Variants in ZNF708 observed in about 807,000 individuals in gnomAD.
The protein encoded by ZNF708 is zinc finger protein 708.
Under a neutral mutation model 47.0 loss-of-function variants are expected in ZNF708, and 44 were observed. The ratio of observed to expected loss-of-function variants is 0.94; its 90% CI spans 0.74 to 1.20. The LOEUF (loss-of-function observed/expected upper bound fraction) is 1.20, where lower values mean the gene tolerates loss of function less well. Among genes scored for constraint, ZNF708 ranks in the 50% most tolerant of loss-of-function variants. The pLI, the probability that ZNF708 is intolerant of heterozygous loss-of-function variation, is 0.00. For synonymous variants in ZNF708, 184 were observed against 218.5 expected (o/e 0.84, Z 1.39); for missense variants, 557 against 656.0 (o/e 0.85, Z 1.65).
chr19:21,306,389 A>G (rs1314871317), intron 3 of ZNF708, among the ~76,000 whole-genome samples: 1 of 152,230 alleles, frequency 6.6e-6, no homozygotes, highest in African/African-American at 2.4e-5. Context: ...ATAAAGCTGA[A>G]TAACTTGATT....
Position 21,328,548 on chromosome 19 carries a change from T to C in ZNF708, c.3+662A>G, listed in dbSNP as rs530245705. Among the ~76,000 whole-genome samples, 26 of 152,206 alleles carry C rather than the reference T, an allele frequency of 1.7e-4. No homozygotes were observed. The East Asian group carries it at 4.6e-3, about 27-fold the overall frequency. ...TGTGAAAAATGCAGGGGAAAATCAG[T>C]CCCCTGTGGAGTGTGAGAATAATTA... On this transcript the variant is annotated intron_variant, in intron 1 of 3. Transcript: ENST00000356929.
intron 1 of ZNF708, among the ~76,000 whole-genome samples, chr19:21,315,488 C>T (rs778234776): frequency 1.5e-4 from 23 of 152,260 alleles, no homozygotes; most frequent in Middle Eastern, 6.8e-3. Flanking sequence ...CGCTCTGGCA[C>T]GTTCCAAATG....
Position 21,294,445 on chromosome 19 carries a change from C to T in ZNF708, c.521G>A (p.Gly174Asp), listed in dbSNP as rs1164361531. The T allele has an allele frequency of 6.2e-7, 1 of 1,614,100 alleles. No individual in the cohort carries two copies. Among genetic ancestry groups the T allele is most frequent in the South Asian group, 1.1e-5 (1 of 91,080 alleles). ...TTGTGAAAGCATGCAAAATGATTTGCCACATTCTTTACATTTGAAAGGATT... is the reference window on the plus strand; with the variant it reads ...TTGTGAAAGCATGCAAAATGATTTGTCACATTCTTTACATTTGAAAGGATT... ...GKNPFKCKECGKSFCMLSQLT... is the reference protein window; with the variant it reads ...GKNPFKCKECDKSFCMLSQLT... The change falls in exon 4 of 4, where the codon GGC becomes GAC. Residue 174 changes from glycine to aspartate, a missense_variant. Coordinates refer to ENST00000356929, the MANE Select transcript of ZNF708 (RefSeq NM_021269.3).
intron 1 of ZNF708, among the ~76,000 whole-genome samples, chr19:21,328,507 C>A (rs1599696266): frequency 6.6e-6 from 1 of 152,080 alleles, no homozygotes; most frequent in Non-Finnish European, 1.5e-5. Flanking sequence ...ACACTTGAGA[C>A]CCCGCTTGGA....
intron 3 of ZNF708, among the ~76,000 whole-genome samples, chr19:21,305,309 A>G (rs1269595719): frequency 6.6e-6 from 1 of 150,996 alleles, no homozygotes; most frequent in East Asian, 2.0e-4. Context: ...GCACCCAGCC[A>G]CTTTTCAACA....
At position 21,310,597 on chromosome 19, in the gene ZNF708, C is replaced by A. The variant is rs766391621; in HGVS notation, c.34G>T (p.Glu12Ter). The A allele has an allele frequency of 3.9e-6, 6 of 1,547,878 alleles. No homozygotes were observed. Among genetic ancestry groups the A allele is most frequent in the Middle Eastern group, 1.7e-4 (1 of 5,816 alleles). Residue 12 changes from glutamate (E) to a stop codon, truncating the protein, a stop_gained, in exon 2 of 4, where the codon GAA becomes TAA. Transcript: ENST00000356929. LOFTEE classifies it high-confidence loss of function. ...GPLTFMDVAI[E>*]FSLEEWQCLD... ...CACTGCCACTCCTCCAGAGAGAATTCTATGGCCACATCCATAAATGTCAAT... is the reference window on the plus strand; with the variant it reads ...CACTGCCACTCCTCCAGAGAGAATTATATGGCCACATCCATAAATGTCAAT...
intron 3 of ZNF708, 100 bp from the exon 4 acceptor site, chr19:21,294,839 AAAT>A: frequency 8.9e-7 from 1 of 1,124,718 alleles, no homozygotes; most frequent in Non-Finnish European, 1.2e-6. Context: ...TGACATAGCA[AAAT>A]ACTACAGATC....
chr19:21,307,732 C>A (rs936544329), intron 3 of ZNF708, among the ~76,000 whole-genome samples: 1 of 152,138 alleles, frequency 6.6e-6, no homozygotes, highest in African/African-American at 2.4e-5. Context: ...CTATATTGTG[C>A]CCACTTGTCA....
intron 1 of ZNF708, among the ~76,000 whole-genome samples, chr19:21,323,334 AACTTT>A (rs1973191187): frequency 6.6e-6 from 1 of 152,200 alleles, no homozygotes; most frequent in Non-Finnish European, 1.5e-5. Context: ...TTCTTAAGGA[AACTTT>A]ACTTAAGTTT....
chr19:21,327,997 T>C, intron 1 of ZNF708: 1 of 1,003,626 alleles, frequency 1.0e-6, no homozygotes, highest in African/African-American at 1.7e-5. Flanking sequence ...ACCCAGGAGC[T>C]GATATTCACT....
chr19:21,323,512 T>C (rs566145229), intron 1 of ZNF708, among the ~76,000 whole-genome samples: 41 of 152,290 alleles, frequency 2.7e-4, no homozygotes, highest in African/African-American at 9.4e-4. Flanking sequence ...TGTTCCTCCT[T>C]AGGAAAGGAA....
rs571158691 is a variant in ZNF708 at position 21,328,119 on chromosome 19, A to G, written c.3+1091T>C. The G allele has an allele frequency of 5.9e-6, 3 of 509,508 alleles. No homozygotes were observed. The East Asian group carries it at 4.5e-4, about 76-fold the overall frequency. The allele number at this position is 509,508 out of a possible 1,614,324, so 31.6% of individuals were successfully genotyped here. On this transcript the variant is annotated intron_variant, in intron 1 of 3. Transcript: ENST00000356929. ...TGGCTGAAGACACATCACTCCGTAAAGTTTCCAAAGAAAAACCTTCACCTG... is the reference window on the plus strand; with the variant it reads ...TGGCTGAAGACACATCACTCCGTAAGGTTTCCAAAGAAAAACCTTCACCTG...
intron 1 of ZNF708, among the ~76,000 whole-genome samples, chr19:21,323,977 C>T (rs764779867): frequency 5.9e-5 from 9 of 152,148 alleles, no homozygotes; most frequent in East Asian, 1.9e-4. Context: ...CAGTGGCTCA[C>T]GCCTGTAATC....
intron 1 of ZNF708, among the ~76,000 whole-genome samples, chr19:21,320,530 T>C (rs953176353): frequency 1.3e-4 from 19 of 150,128 alleles, no homozygotes; most frequent in African/African-American, 4.4e-4. Flanking sequence ...TACAAAAAAA[T>C]ACAAAAAGAA....
intron 2 of ZNF708, 37 bp downstream of exon 2, chr19:21,310,444 CAAAAAAAAAAATAATAATAA>C: frequency 1.5e-6 from 1 of 647,568 alleles, no homozygotes; most frequent in Non-Finnish European, 1.9e-6. Flanking sequence ...AACTCTGTCT[CAAAAAAAAAAATAATAATAA>C]ATAATAAAAA....
At chr19:21,307,683 G>C (rs1459728827) in intron 3 of ZNF708, among the ~76,000 whole-genome samples, 3 of 151,972 alleles carry the variant, frequency 2.0e-5, no homozygotes, top group African/African-American at 7.3e-5. Context: ...AAGTTGAAGA[G>C]GCATTTGCAT....
intron 1 of ZNF708, among the ~76,000 whole-genome samples, chr19:21,314,306 C>G (rs1972961516): frequency 6.6e-6 from 1 of 152,066 alleles, no homozygotes. Flanking sequence ...AGCCACTGCC[C>G]TGTCAATTTT....
chr19:21,305,914 C>A lies in ZNF708; in HGVS notation c.226+3332G>T, dbSNP rs960646249. Among the ~76,000 whole-genome samples the A allele has an allele frequency of 9.2e-5, 14 of 152,062 alleles. 1 individual carries two copies. The highest frequency in any genetic ancestry group is 3.4e-4 in the African/African-American group (14 of 41,394). ...GATAAACAGATGAAAGAACAGAGAG[C>A]CCAGAAATGAACTCTTCTGTATAAG... On this transcript the variant is annotated intron_variant, in intron 3 of 3. Transcript: ENST00000356929.
Position 21,329,395 on chromosome 19 carries a change from A to C in ZNF708, c.-183T>G. 1.2e-6 allele frequency: 1 copy of C among 856,586 alleles called. No individual in the cohort carries two copies. Among genetic ancestry groups the C allele is most frequent in the Non-Finnish European group, 1.8e-6 (1 of 549,876 alleles). The allele number at this position is 856,586 out of a possible 1,614,324, so 53.1% of individuals were successfully genotyped here. ...ACCCGGAAGCCGCCCTGTCCGGTCC[A>C]GCTGCGTGTCTGAGTGAACTGTCCC... On this transcript the variant is annotated 5_prime_UTR_variant, in exon 1 of 4. Coordinates refer to ENST00000356929, the MANE Select transcript of ZNF708 (RefSeq NM_021269.3).
Sources: gnomAD v4.1 joint callset for allele counts (sites outside exome capture counted in the v4.1 genomes callset) on GRCh38, gnomAD v4.1.1 for gene constraint, MANE v1.5 for transcripts, NCBI Gene and HGNC (gene_info 2026-07-23, HGNC 2026-07-21) for gene names.